The following MECOM variants were observed in gnomAD, a reference collection of about 807,000 sequenced individuals.
The protein encoded by MECOM is histone-lysine N-methyltransferase MECOM.
Under a neutral mutation model 116.3 loss-of-function variants are expected in MECOM, and 13 were observed. That is an observed-to-expected ratio of 0.11 (90% confidence interval 0.07 to 0.18). The LOEUF (loss-of-function observed/expected upper bound fraction) is 0.18. Among genes scored for constraint, MECOM ranks in the 10% least tolerant of loss-of-function variants. The probability of loss-of-function intolerance (pLI) is 1.00; values close to 1 mark genes in which losing one functional copy is unlikely to be tolerated. For synonymous variants in MECOM, 528 were observed against 535.2 expected, an observed-to-expected ratio of 0.99 and a Z score of 0.19; for missense variants, 1,299 against 1,509.0, an observed-to-expected ratio of 0.86 and a Z score of 2.31.
At chr3:169,421,119 G>A (rs535005780) in intron 1 of MECOM, among the ~76,000 whole-genome samples, 2 of 152,092 alleles carry the variant, frequency 1.3e-5, no homozygotes, top group Non-Finnish European at 2.9e-5. Flanking sequence ...CTAAGAGGTA[G>A]GACATGGTCT....
intron 2 of MECOM, among the ~76,000 whole-genome samples, chr3:169,248,174 G>A (rs1423143051): frequency 2.0e-5 from 3 of 152,124 alleles, no homozygotes; most frequent in Admixed American, 1.3e-4. Context: ...TATTAGAATT[G>A]CATTACAATT....
At chr3:169,508,696 A>C (rs937755565) in intron 1 of MECOM, among the ~76,000 whole-genome samples, 4 of 152,208 alleles carry the variant, frequency 2.6e-5, no homozygotes, top group African/African-American at 9.7e-5. Flanking sequence ...TAATAAAATA[A>C]AATTATTTTT....
intron 12 of MECOM, among the ~76,000 whole-genome samples, chr3:169,099,144 G>T (rs1022261283): frequency 1.3e-4 from 20 of 149,958 alleles, no homozygotes; most frequent in Non-Finnish European, 2.5e-4. Flanking sequence ...AGAGGGGCTG[G>T]ACAAATAATT....
At chr3:169,570,264 G>A (rs776881123) in intron 1 of MECOM, among the ~76,000 whole-genome samples, 4 of 151,932 alleles carry the variant, frequency 2.6e-5, no homozygotes, top group Admixed American at 6.6e-5. Context: ...TCCTGGACAC[G>A]TACACCCTCC....
intron 1 of MECOM, among the ~76,000 whole-genome samples, chr3:169,507,650 C>CTTTTTTTTTTATTTTTTTTTT (rs1755408467): frequency 1.7e-5 from 1 of 57,150 alleles, no homozygotes. Flanking sequence ...TCCCCACTTG[C>CTTTTTTTTTTATTTTTTTTTT]TTTTTTTTTT....
At chr3:169,391,438 A>C (rs1007520578) in intron 1 of MECOM, among the ~76,000 whole-genome samples, 1 of 152,102 alleles carries the variant, frequency 6.6e-6, no homozygotes, top group Non-Finnish European at 1.5e-5. Context: ...TAAGGAGTGC[A>C]ATTTTCTGCC....
chr3:169,153,704 C>G (rs952052185), intron 2 of MECOM, among the ~76,000 whole-genome samples: 4 of 152,176 alleles, frequency 2.6e-5, no homozygotes, highest in Non-Finnish European at 5.9e-5. Flanking sequence ...TTTTCCTCCT[C>G]TCTCCACGCC....
At chr3:169,327,623 G>T (rs1300639013) in intron 2 of MECOM, among the ~76,000 whole-genome samples, 1 of 133,726 alleles carries the variant, frequency 7.5e-6, no homozygotes, top group Non-Finnish European at 1.5e-5. Flanking sequence ...TGGTGACGCA[G>T]AGTGAGACTG....
At chr3:169,662,703 C>G (rs966077288) in intron 1 of MECOM, among the ~76,000 whole-genome samples, 1 of 152,044 alleles carries the variant, frequency 6.6e-6, no homozygotes, top group Non-Finnish European at 1.5e-5. Flanking sequence ...AGCCGCGGCT[C>G]GGCGCAGTCC....
chr3:169,218,769 A>C (rs1337761637), intron 2 of MECOM, among the ~76,000 whole-genome samples: 1 of 152,182 alleles, frequency 6.6e-6, no homozygotes, highest in Non-Finnish European at 1.5e-5. Flanking sequence ...CTGCTTGCCC[A>C]AAATCATTCA....
chr3:169,212,792 C>T (rs1560000139), intron 2 of MECOM, among the ~76,000 whole-genome samples: 2 of 150,808 alleles, frequency 1.3e-5, no homozygotes, highest in African/African-American at 2.4e-5. Context: ...CCTGGCCTTC[C>T]TTATGTTATC....
chr3:169,263,520 G>GCA (rs3077288), intron 2 of MECOM, among the ~76,000 whole-genome samples: 29,008 of 146,292 alleles, frequency 0.2, 2,996 homozygotes, highest in African/African-American at 0.3. Context: ...CAGAGCACTT[G>GCA]CACACACACA....
At chr3:169,437,369 G>A (rs1742834331) in intron 1 of MECOM, among the ~76,000 whole-genome samples, 1 of 152,100 alleles carries the variant, frequency 6.6e-6, no homozygotes, top group Non-Finnish European at 1.5e-5. Context: ...TATACAGGAA[G>A]GTTTATTGTT....
chr3:169,462,601 G>A (rs1478993993), intron 1 of MECOM, among the ~76,000 whole-genome samples: 4 of 152,242 alleles, frequency 2.6e-5, no homozygotes, highest in African/African-American at 9.6e-5. Context: ...GGAAAAAAAT[G>A]AAGACTTGAA....
intron 2 of MECOM, among the ~76,000 whole-genome samples, chr3:169,353,204 G>C (rs1405098218): frequency 1.3e-5 from 2 of 151,816 alleles, no homozygotes; most frequent in Non-Finnish European, 2.9e-5. Context: ...CTCCAACTCA[G>C]TTATCTGGAA....
At chr3:169,293,320 T>C (rs1714962517) in intron 2 of MECOM, among the ~76,000 whole-genome samples, 1 of 152,180 alleles carries the variant, frequency 6.6e-6, no homozygotes, top group Non-Finnish European at 1.5e-5. Context: ...TCACATTCAG[T>C]CCAAACTCCT....
chr3:169,549,227 C>T (rs1761086527), intron 1 of MECOM, among the ~76,000 whole-genome samples: 1 of 152,098 alleles, frequency 6.6e-6, no homozygotes, highest in African/African-American at 2.4e-5. Context: ...CCACCTTGGC[C>T]TCCCAAAGTG....
At chr3:169,103,870 A>T (rs1002154073) in intron 10 of MECOM, among the ~76,000 whole-genome samples, 2 of 152,132 alleles carry the variant, frequency 1.3e-5, no homozygotes, top group Non-Finnish European at 1.5e-5. Flanking sequence ...TGTTCTAGTT[A>T]GTTCTCTTTT....
chr3:169,479,334 C>T (rs62294352), intron 1 of MECOM, among the ~76,000 whole-genome samples: 26,298 of 150,860 alleles, frequency 0.17, 2,851 homozygotes, highest in South Asian at 0.32. Flanking sequence ...GAAAGGGAGG[C>T]GTCTAGGAAC....
Sources: allele counts gnomAD v4.1 joint callset (sites outside exome capture counted in the v4.1 genomes callset), GRCh38; gene constraint gnomAD v4.1.1; transcripts MANE v1.5; gene names NCBI Gene and HGNC (gene_info 2026-07-23, HGNC 2026-07-21).